Variants in ADAMTS9 observed in about 807,000 individuals in gnomAD.
ADAMTS9 encodes the protein A disintegrin and metalloproteinase with thrombospondin motifs 9.
Under a neutral mutation model 257.1 loss-of-function variants are expected in ADAMTS9, and 107 were observed. That is an observed-to-expected ratio of 0.42 (90% CI 0.36 to 0.49). The LOEUF is 0.49. Among genes scored for constraint, ADAMTS9 ranks in the 20% least tolerant of loss-of-function variants. The pLI is 0.03. For missense variants in ADAMTS9, 2,353 were observed against 2,469.1 expected, an observed-to-expected ratio of 0.95 and a Z score of 1.00; for synonymous variants, 982 against 880.9, an observed-to-expected ratio of 1.11 and a Z score of -2.03.
intron 2 of ADAMTS9, among the ~76,000 whole-genome samples, 175 bp from the exon 3 acceptor site, chr3:64,681,538 C>A (rs1167900730): frequency 2.0e-5 from 3 of 152,156 alleles, no homozygotes; most frequent in East Asian, 1.9e-4. Context: ...TATTTCCACT[C>A]TCTGTCATAT....
At chr3:64,571,355 T>C (rs1194401941) in intron 28 of ADAMTS9, among the ~76,000 whole-genome samples, 1 of 152,190 alleles carries the variant, frequency 6.6e-6, no homozygotes, top group Non-Finnish European at 1.5e-5. Context: ...ATATAGTGCT[T>C]CCCACATGAC....
chr3:64,544,329 A>G (rs1559755846), intron 32 of ADAMTS9, among the ~76,000 whole-genome samples: 2 of 152,192 alleles, frequency 1.3e-5, no homozygotes, highest in Non-Finnish European at 2.9e-5. Flanking sequence ...CCGAAAGAAC[A>G]AAGCTGGAGG....
chr3:64,659,823 C>T (rs575945862), intron 3 of ADAMTS9, among the ~76,000 whole-genome samples: 50 of 152,242 alleles, frequency 3.3e-4, no homozygotes, highest in African/African-American at 9.9e-4. Flanking sequence ...GGGTTCTCCA[C>T]AGTCTTGCTG....
In ADAMTS9 at chr3:64,686,971, G is replaced by A. The variant is rs768455644; in HGVS notation, c.116-3C>T. On this transcript the variant is annotated splice_region_variant and splice_polypyrimidine_tract_variant and intron_variant, in intron 1 of 39. Coordinates refer to ENST00000498707, the MANE Select transcript of ADAMTS9 (RefSeq NM_182920.2). The surrounding 1 kb of genome is among the most constrained non-coding windows in gnomAD (Gnocchi z 4.6). Reference sequence around the variant, plus strand: ...GCTCAGGGTCTCTAATAATTTCACTGCGGAGAGAAGCAGAGGTATATGAAC... The same window carrying A: ...GCTCAGGGTCTCTAATAATTTCACTACGGAGAGAAGCAGAGGTATATGAAC... The A allele has an allele frequency of 6.2e-7, 1 of 1,612,208 alleles. No individual in the cohort carries two copies. Among genetic ancestry groups the A allele is most frequent in the Admixed American group, 1.7e-5 (1 of 59,834 alleles).
rs1240795796 is a variant in ADAMTS9, at chr3:64,649,766, G to A, written c.1476C>T (p.Gly492=). Residue 492 remains glycine (G), a synonymous_variant, in exon 10 of 40, where the codon GGC becomes GGT. Coordinates refer to ENST00000498707, the MANE Select transcript of ADAMTS9 (RefSeq NM_182920.2). ...ATTCAGGTTCGTTAAGCAAACACTC[G>A]CCATAACCAGTGCTACGGAAACACA... ...YITEFLDTGY[G]ECLLNEPESR... 1.1e-5 allele frequency: 17 copies of A among 1,613,262 alleles called. No homozygotes were observed. The highest frequency in any genetic ancestry group is 3.3e-5 in the South Asian group (3 of 90,918).
At chr3:64,611,273 C>CA (rs997103061) in intron 22 of ADAMTS9, among the ~76,000 whole-genome samples, 1 of 151,970 alleles carries the variant, frequency 6.6e-6, no homozygotes, top group African/African-American at 2.4e-5. Context: ...AATGGATAAA[C>CA]AAATTTTGGT....
At chr3:64,552,970 A>G (rs2083288655) in intron 30 of ADAMTS9, among the ~76,000 whole-genome samples, 2 of 151,638 alleles carry the variant, frequency 1.3e-5, no homozygotes, top group African/African-American at 4.8e-5. Context: ...CTTGCCTCAA[A>G]GGCATTTATG....
At chr3:64,525,285 C>T (rs901769949) in intron 38 of ADAMTS9, among the ~76,000 whole-genome samples, 7 of 152,170 alleles carry the variant, frequency 4.6e-5, no homozygotes, top group African/African-American at 1.7e-4. Context: ...TTATGCTTTA[C>T]CATGCTATGA....
chr3:64,641,907 G>A lies in ADAMTS9; in HGVS notation c.1797C>T (p.Thr599=). 1 of 1,614,070 alleles carries A rather than the reference G, an allele frequency of 6.2e-7. No individual in the cohort carries two copies. Among genetic ancestry groups the A allele is most frequent in the Non-Finnish European group, 8.5e-7 (1 of 1,180,004 alleles). ...TGCCCCCTCCACATGTTCTGGAGCAGGTTCCAAAGGGACTCCAACTTCCCC... is the reference window on the plus strand; with the variant it reads ...TGCCCCCTCCACATGTTCTGGAGCAAGTTCCAAAGGGACTCCAACTTCCCC... ...GSWGSWSPFG[T]CSRTCGGGIK... Residue 599 remains threonine, a synonymous_variant, in exon 12 of 40, where the codon ACC becomes ACT. Transcript: ENST00000498707.
chr3:64,584,623 G>C (rs1352948284), intron 28 of ADAMTS9, among the ~76,000 whole-genome samples: 1 of 152,054 alleles, frequency 6.6e-6, no homozygotes, highest in African/African-American at 2.4e-5. Context: ...GTTTCTTTAA[G>C]AAATTTTATA....
chr3:64,655,175 A>G (rs1348501082), intron 6 of ADAMTS9, among the ~76,000 whole-genome samples: 1 of 152,254 alleles, frequency 6.6e-6, no homozygotes, highest in East Asian at 1.9e-4. Flanking sequence ...CATATACTAC[A>G]TGGCAACGCC....
intron 19 of ADAMTS9, among the ~76,000 whole-genome samples, chr3:64,618,727 A>G (rs1290072711): frequency 6.6e-6 from 1 of 152,142 alleles, no homozygotes; most frequent in Non-Finnish European, 1.5e-5. Flanking sequence ...TATTATTATT[A>G]TTATCATTAT....
chr3:64,528,866 C>T (rs1036448017), intron 38 of ADAMTS9, among the ~76,000 whole-genome samples: 1 of 152,148 alleles, frequency 6.6e-6, no homozygotes, highest in Non-Finnish European at 1.5e-5. Flanking sequence ...TGAGTCCCCC[C>T]TCTCCCCACC....
At position 64,541,564 on chromosome 3, in the gene ADAMTS9, C is replaced by A; in HGVS notation, c.5254G>T (p.Gly1752Cys). Residue 1752 changes from glycine (G) to cysteine (C), a missense_variant, in exon 34 of 40, where the codon GGT (glycine) becomes TGT (cysteine). Gly to Cys is a radical substitution (Grantham distance 159, BLOSUM62 -3). This residue lies in a region of ADAMTS9 where 1,402 missense variants were observed against 1,441.4 expected (regional missense o/e 0.97). Coordinates refer to ENST00000498707, the MANE Select transcript of ADAMTS9 (RefSeq NM_182920.2). ...VKRLKGASED[G>C]EYFLMIRGKL... is the part of the protein sequence containing the mutation. ...CCTCTAATCATCAGGAAATATTCAC[C>A]ATCTTCACTGGCACCTTTAAGTCTT... The A allele has an allele frequency of 6.2e-7, 1 of 1,614,102 alleles. No individual in the cohort carries two copies. Among genetic ancestry groups the A allele is most frequent in the Non-Finnish European group, 8.5e-7 (1 of 1,180,000 alleles).
intron 12 of ADAMTS9, among the ~76,000 whole-genome samples, chr3:64,635,128 C>A (rs1209476588): frequency 6.6e-6 from 1 of 152,158 alleles, no homozygotes; most frequent in Non-Finnish European, 1.5e-5. Flanking sequence ...TTGGCTTGAG[C>A]ACCCACTCTG....
At chr3:64,549,081 A>G (rs568771446) in intron 31 of ADAMTS9, among the ~76,000 whole-genome samples, 14 of 152,308 alleles carry the variant, frequency 9.2e-5, no homozygotes, top group Non-Finnish European at 1.6e-4. Context: ...CTTCTTTTCT[A>G]GAGAGGATGC....
chr3:64,639,183 G>A (rs891861741), intron 12 of ADAMTS9, among the ~76,000 whole-genome samples: 2 of 151,520 alleles, frequency 1.3e-5, no homozygotes, highest in Non-Finnish European at 2.9e-5. Context: ...TGTAACCTCC[G>A]TATTCAGAGG....
At chr3:64,673,734 T>C (rs1046487166) in intron 3 of ADAMTS9, among the ~76,000 whole-genome samples, 2 of 152,056 alleles carry the variant, frequency 1.3e-5, no homozygotes, top group Non-Finnish European at 2.9e-5. Flanking sequence ...TTAATAATAT[T>C]ATAGTTACTT....
rs1701937452 is a variant in ADAMTS9, at chr3:64,687,223, TA to T, written c.116-256del. ...AAATATATATGATTTCAGATATTGA[TA>T]AATAACCTGAATAAAATAAAACATG... On this transcript the variant is annotated intron_variant, in intron 1 of 39. Coordinates refer to ENST00000498707, the MANE Select transcript of ADAMTS9 (RefSeq NM_182920.2). This position sits in a 1 kb window ranked among gnomAD's most constrained non-coding sequence, Gnocchi z 4.4. Among the ~76,000 whole-genome samples, 1 of 152,124 alleles carries T rather than the reference TA, an allele frequency of 6.6e-6. No individual in the cohort carries two copies. Among genetic ancestry groups the T allele is most frequent in the African/African-American group, 2.4e-5 (1 of 41,422 alleles).
Sources: allele counts gnomAD v4.1 joint callset (sites outside exome capture counted in the v4.1 genomes callset), GRCh38; gene constraint gnomAD v4.1.1; regional missense constraint gnomAD v4.1.1; non-coding constraint Gnocchi (gnomAD v3.1); transcripts MANE v1.5; gene names NCBI Gene and HGNC (gene_info 2026-07-23, HGNC 2026-07-21).